VRK1: variants seen among roughly 807,000 people sequenced by gnomAD.
VRK1 encodes serine/threonine-protein kinase VRK1.
Under a neutral mutation model 57.1 loss-of-function variants are expected in VRK1, and 33 were observed. The ratio of observed to expected loss-of-function variants is 0.58; its 90% CI spans 0.44 to 0.77. The LOEUF (loss-of-function observed/expected upper bound fraction) is 0.77, where lower values mean the gene tolerates loss of function less well. Ranked by LOEUF, VRK1 falls within the 30% of genes least tolerant of loss-of-function variation. The pLI is 0.00. For synonymous variants in VRK1, 137 were observed against 147.8 expected (o/e 0.93, Z 0.53); for missense variants, 413 against 477.3 (o/e 0.87, Z 1.25).
At chr14:96,829,971 C>T (rs1886943615) in intron 1 of VRK1, among the ~76,000 whole-genome samples, 1 of 152,230 alleles carries the variant, frequency 6.6e-6, no homozygotes, top group Admixed American at 6.5e-5. Context: ...TAACACTTAG[C>T]AGTCTTTATA....
intron 12 of VRK1, among the ~76,000 whole-genome samples, chr14:96,876,996 C>CTTTA (rs763143969): frequency 2.6e-5 from 4 of 151,168 alleles, no homozygotes; most frequent in Non-Finnish European, 5.9e-5. Flanking sequence ...TGATGATGTA[C>CTTTA]TTGACTCAAT....
At chr14:96,808,017 C>CTCTCTCTCTCTCTCTCTCTGTGTG (rs1491505548) in intron 1 of VRK1, among the ~76,000 whole-genome samples, 1 of 127,246 alleles carries the variant, frequency 7.9e-6, no homozygotes, top group Non-Finnish European at 1.6e-5. Flanking sequence ...CTCTCTCCCT[C>CTCTCTCTCTCTCTCTCTCTGTGTG]TGTGTGTGTG....
In VRK1 at chr14:96,856,218, A is replaced by G. The variant is rs759419821; in HGVS notation, c.798A>G (p.Lys266=). The change falls in exon 9 of 13, where the codon AAA becomes AAG. Residue 266 remains lysine, a synonymous_variant. Coordinates refer to ENST00000216639, the MANE Select transcript of VRK1 (RefSeq NM_003384.3). ...TGHLPWEDNL[K]DPKYVRDSKI... ...ATCTTCCTTGGGAGGATAATTTGAA[A>G]GATCCTAAATATGTTAGAGATTCCA... 2.5e-6 allele frequency: 4 copies of G among 1,613,678 alleles called. No individual in the cohort carries two copies. Among genetic ancestry groups the G allele is most frequent in the African/African-American group, 1.3e-5 (1 of 75,032 alleles).
intron 5 of VRK1, among the ~76,000 whole-genome samples, chr14:96,848,864 G>A (rs1038968697): frequency 7.2e-5 from 11 of 152,150 alleles, no homozygotes; most frequent in Non-Finnish European, 2.9e-5. Flanking sequence ...TGCTCTCAAA[G>A]GGGTCTTTAA....
At chr14:96,850,002 A>G (rs1461047584) in intron 5 of VRK1, among the ~76,000 whole-genome samples, 2 of 151,968 alleles carry the variant, frequency 1.3e-5, no homozygotes, top group East Asian at 3.9e-4. Context: ...AGTGCCTTAG[A>G]GTGTGGTGAC....
chr14:96,847,121 ATTC>A (rs1344640502), intron 4 of VRK1, 133 bp from the exon 5 acceptor site: 2 of 679,060 alleles, frequency 2.9e-6, no homozygotes, highest in Admixed American at 2.5e-5. Flanking sequence ...GTTATACTGT[ATTC>A]TTCATTTTCT....
chr14:96,842,932 G>A (rs1188837900), intron 3 of VRK1, among the ~76,000 whole-genome samples: 1 of 152,162 alleles, frequency 6.6e-6, no homozygotes, highest in Non-Finnish European at 1.5e-5. Flanking sequence ...TAATGTGGAC[G>A]CTTTGTCAAA....
intron 1 of VRK1, among the ~76,000 whole-genome samples, chr14:96,818,945 G>C (rs949448774): frequency 6.6e-6 from 1 of 152,144 alleles, no homozygotes; most frequent in African/African-American, 2.4e-5. Flanking sequence ...TTTTTCAAAT[G>C]ATTTCTTAGC....
chr14:96,878,328 A>G (rs1478182228), intron 12 of VRK1, among the ~76,000 whole-genome samples: 1 of 152,216 alleles, frequency 6.6e-6, no homozygotes, highest in African/African-American at 2.4e-5. Flanking sequence ...TAAGATATAT[A>G]GTACAATTCA....
chr14:96,823,697 A>T (rs1886690674), intron 1 of VRK1, among the ~76,000 whole-genome samples: 1 of 152,230 alleles, frequency 6.6e-6, no homozygotes, highest in South Asian at 2.1e-4. Flanking sequence ...AAGTGTATTC[A>T]TATTGTTGTG....
rs1452833653 is a variant in VRK1, at chr14:96,853,140, C to T, written c.550C>T (p.Leu184Phe). The change falls in exon 7 of 13, where the codon CTT becomes TTT. Residue 184 changes from leucine to phenylalanine, a missense_variant. Coordinates refer to ENST00000216639, the MANE Select transcript of VRK1 (RefSeq NM_003384.3). ...TGGAGATATCAAGGCCTCAAATCTT[C>T]TTCTGAACTACAAGAATCCTGACCA... ...VHGDIKASNL[L>F]LNYKNPDQVY... 2.5e-6 allele frequency: 4 copies of T among 1,613,556 alleles called. No homozygotes were observed. Among genetic ancestry groups the T allele is most frequent in the Non-Finnish European group, 3.4e-6 (4 of 1,179,768 alleles).
In VRK1 at chr14:96,855,086, C is replaced by G. The variant is rs1377990384; in HGVS notation, c.577-138C>G. 9.9e-6 allele frequency: 12 copies of G among 1,212,304 alleles called. No homozygotes were observed. In the East Asian group the frequency reaches 2.6e-4, roughly 26 times the overall value. The allele number at this position is 1,212,304 out of a possible 1,614,324, so 75.1% of individuals were successfully genotyped here. On this transcript the variant is annotated intron_variant, in intron 7 of 12. Transcript: ENST00000216639. ...ATTTGCTGTTGTTTGCATTTTGGAT[C>G]TAAATTGTTTGGAGTGTTATGGAAT...
At chr14:96,875,225 A>C (rs917857899) in intron 11 of VRK1, among the ~76,000 whole-genome samples, 2 of 152,240 alleles carry the variant, frequency 1.3e-5, no homozygotes, top group South Asian at 4.1e-4. Flanking sequence ...TTAACGCAGG[A>C]TTGGACCTGT....
At chr14:96,873,967 C>T (rs1290667458) in intron 11 of VRK1, among the ~76,000 whole-genome samples, 1 of 152,142 alleles carries the variant, frequency 6.6e-6, no homozygotes, top group Non-Finnish European at 1.5e-5. Context: ...TGGTTGAATA[C>T]TGTCTGATTT....
At chr14:96,845,437 G>A (rs1306175801) in intron 3 of VRK1, among the ~76,000 whole-genome samples, 1 of 152,134 alleles carries the variant, frequency 6.6e-6, no homozygotes, top group Non-Finnish European at 1.5e-5. Context: ...AATTTTAATT[G>A]TTAATATCTC....
Position 96,833,488 on chromosome 14 carries a change from C to T in VRK1, c.17C>T (p.Ala6Val). 6.2e-7 allele frequency: 1 copy of T among 1,613,596 alleles called. No homozygotes were observed. Among genetic ancestry groups the T allele is most frequent in the Non-Finnish European group, 8.5e-7 (1 of 1,179,684 alleles). Residue 6 changes from alanine (A) to valine (V), a missense_variant, in exon 2 of 13, where the codon GCA becomes GTA. Ala to Val is a moderately conservative substitution (Grantham distance 64, BLOSUM62 0). Coordinates refer to ENST00000216639, the MANE Select transcript of VRK1 (RefSeq NM_003384.3). MPRVK[A>V]AQAGRQSSAK... ...ATAGTGAAAATGCCTCGTGTAAAAG[C>T]AGCTCAAGCTGGAAGACAGAGCTCT...
intron 3 of VRK1, among the ~76,000 whole-genome samples, chr14:96,842,884 G>GT (rs1887521513): frequency 6.6e-6 from 1 of 152,218 alleles, no homozygotes; most frequent in South Asian, 2.1e-4. Flanking sequence ...CAGTAAGGGT[G>GT]TGCAGGTACC....
intron 3 of VRK1, among the ~76,000 whole-genome samples, chr14:96,839,931 G>A (rs151275535): frequency 3.9e-4 from 60 of 152,160 alleles, no homozygotes; most frequent in East Asian, 3.9e-3. Context: ...ACCGAACTTT[G>A]TATTCTTAAC....
chr14:96,850,463 C>G (rs1194273785), intron 5 of VRK1, among the ~76,000 whole-genome samples: 1 of 152,106 alleles, frequency 6.6e-6, no homozygotes, highest in Non-Finnish European at 1.5e-5. Context: ...AATGGTAGAG[C>G]CGTCTTTCCA....
Sources: allele counts gnomAD v4.1 joint callset (sites outside exome capture counted in the v4.1 genomes callset), GRCh38; gene constraint gnomAD v4.1.1; transcripts MANE v1.5; gene names NCBI Gene and HGNC (gene_info 2026-07-23, HGNC 2026-07-21).